The following CEP164 variants were observed in gnomAD, a reference collection of about 807,000 sequenced individuals.
CEP164 encodes the protein centrosomal protein 164, also known as centrosomal protein of 164 kDa.
A neutral mutation model predicts 182.7 loss-of-function variants in CEP164; 162 were observed. That is an observed-to-expected ratio of 0.89 (90% CI 0.78 to 1.01). The LOEUF is 1.01. CEP164 is among the 50% of genes least tolerant of loss of function. The pLI, the probability that CEP164 is intolerant of heterozygous loss-of-function variation, is 0.00. For missense variants in CEP164, 1,735 were observed against 1,790.4 expected, an observed-to-expected ratio of 0.97 and a Z score of 0.56; for synonymous variants, 661 against 690.0, an observed-to-expected ratio of 0.96 and a Z score of 0.66.
At chr11:117,337,581 C>T (rs1257789218) in intron 2 of CEP164, among the ~76,000 whole-genome samples, 1 of 151,924 alleles carries the variant, frequency 6.6e-6, no homozygotes, top group East Asian at 1.9e-4. Context: ...CACTTTTCCC[C>T]CATATCCTGG....
chr11:117,371,725 C>T (rs183817288), intron 9 of CEP164, among the ~76,000 whole-genome samples: 1 of 152,196 alleles, frequency 6.6e-6, no homozygotes, highest in African/African-American at 2.4e-5. Context: ...TTTCCATTGG[C>T]ACCCTCCTGG....
intron 9 of CEP164, among the ~76,000 whole-genome samples, chr11:117,372,090 C>T (rs556684179): frequency 6.8e-6 from 1 of 148,138 alleles, no homozygotes; most frequent in South Asian, 2.1e-4. Flanking sequence ...ATCTGCCCAC[C>T]TCATCATAGT....
At position 117,409,726 on chromosome 11, in the gene CEP164, A is replaced by G. The variant is rs1386219058; in HGVS notation, c.3857A>G (p.Asn1286Ser). Residue 1286 changes from asparagine (N) to serine (S), a missense_variant, in exon 30 of 33, where the codon AAC (asparagine) becomes AGC (serine). Asn to Ser is a conservative substitution (Grantham distance 46). Coordinates refer to ENST00000278935, the MANE Select transcript of CEP164 (RefSeq NM_014956.5). The surrounding 1 kb of genome is among the most constrained non-coding windows in gnomAD (Gnocchi z 4.4). ...GTCCTCAGCATCCTGGACAGCCTCA[A>G]CCCTCAGTCGCCGCCGCCGCTCCTC... is the stretch of plus-strand genomic sequence containing the variant. ...SSVLSILDSLNPQSPPPLLAS... is the reference protein window; with the variant it reads ...SSVLSILDSLSPQSPPPLLAS... 6.2e-7 allele frequency: 1 copy of G among 1,613,750 alleles called. No homozygotes were observed. Among genetic ancestry groups the G allele is most frequent in the Non-Finnish European group, 8.5e-7 (1 of 1,179,890 alleles).
intron 11 of CEP164, among the ~76,000 whole-genome samples, chr11:117,376,561 G>T (rs539270532): frequency 6.6e-6 from 1 of 152,236 alleles, no homozygotes; most frequent in Non-Finnish European, 1.5e-5. Flanking sequence ...ATGGAAATTT[G>T]TTGGGTGAAA....
chr11:117,381,775 C>A lies in CEP164; in HGVS notation c.1484C>A (p.Pro495His), dbSNP rs59763167. The part of the protein sequence containing the change: ...PRSLATEEEP[P>H]QGPEGQPEWK... ...AGCCTGGCCACTGAAGAAGAGCCTC[C>A]CCAGGGCCCCGAGGGGCAGCCCGAG... The change falls in exon 13 of 33, where the codon CCC (proline) becomes CAC (histidine). Residue 495 changes from proline to histidine, a missense_variant. Transcript: ENST00000278935. The A allele has an allele frequency of 1.3e-6, 2 of 1,597,314 alleles. No homozygotes were observed. The highest frequency in any genetic ancestry group is 1.3e-5 in the African/African-American group (1 of 74,686).
chr11:117,390,972 C>T (rs180859299), intron 16 of CEP164, 27 bp from the exon 17 acceptor site: 75 of 1,613,794 alleles, frequency 4.6e-5, no homozygotes, highest in East Asian at 4.0e-4. Context: ...TGCACAGGCC[C>T]GTTACCATTC....
chr11:117,354,913 T>G (rs1357044839), intron 5 of CEP164: 2 of 1,249,088 alleles, frequency 1.6e-6, no homozygotes, highest in South Asian at 2.6e-5. Flanking sequence ...TTTCTCTGCA[T>G]GTTTATATAC....
chr11:117,397,818 T>C (rs2045670842), intron 27 of CEP164, among the ~76,000 whole-genome samples: 1 of 152,164 alleles, frequency 6.6e-6, no homozygotes, highest in Non-Finnish European at 1.5e-5. Flanking sequence ...GTGGAAATTA[T>C]GGGAGTACAA....
chr11:117,356,514 C>T (rs1426101106), intron 5 of CEP164: 2 of 1,289,134 alleles, frequency 1.6e-6, no homozygotes, highest in South Asian at 2.5e-5. Flanking sequence ...TCTCAGCAAG[C>T]CCATTTCCAG....
At chr11:117,392,711 C>T (rs2044831975) in intron 19 of CEP164, 84 bp downstream of exon 19, 3 of 1,535,730 alleles carry the variant, frequency 2.0e-6, no homozygotes, top group Admixed American at 4.0e-5. Context: ...GCCTCAGCGG[C>T]CTCCAGTTTG....
At chr11:117,408,777 C>G in intron 28 of CEP164, 113 bp from the exon 29 acceptor site, 2 of 1,381,546 alleles carry the variant, frequency 1.4e-6, no homozygotes, top group African/African-American at 1.5e-5. Context: ...AGCTTAAAGA[C>G]AAAACATAAA....
intron 3 of CEP164, among the ~76,000 whole-genome samples, chr11:117,341,767 C>T (rs1349019515): frequency 2.0e-5 from 3 of 152,056 alleles, no homozygotes; most frequent in African/African-American, 7.2e-5. Context: ...CTGACAGTCC[C>T]CAGAGCTACT....
intron 1 of CEP164, among the ~76,000 whole-genome samples, chr11:117,328,615 C>T (rs1276088171): frequency 6.6e-6 from 1 of 152,176 alleles, no homozygotes; most frequent in African/African-American, 2.4e-5. Context: ...AGCCAGACCT[C>T]TTTCCTGAGC....
At position 117,411,855 on chromosome 11, in the gene CEP164, CT is replaced by C; in HGVS notation, c.4227del (p.Gln1410ArgfsTer3). 1 of 1,614,166 alleles carries C rather than the reference CT, an allele frequency of 6.2e-7. No individual in the cohort carries two copies. Among genetic ancestry groups the C allele is most frequent in the Non-Finnish European group, 8.5e-7 (1 of 1,180,034 alleles). On this transcript the variant is annotated frameshift_variant, in exon 32 of 33. Coordinates refer to ENST00000278935, the MANE Select transcript of CEP164 (RefSeq NM_014956.5). LOFTEE classifies it high-confidence loss of function. The surrounding 1 kb of genome is among the most constrained non-coding windows in gnomAD (Gnocchi z 4.4). ...SQVPEAGSTT[F>X]QGIIEANRRW... ...AAGTCCCTGAGGCGGGCAGCACCAC[CT>C]TTCAGGGCATAATTGAGGCCAACCG... is the stretch of plus-strand genomic sequence containing the variant.
At chr11:117,357,589 T>C (rs1253200244) in intron 5 of CEP164, among the ~76,000 whole-genome samples, 1 of 151,936 alleles carries the variant, frequency 6.6e-6, no homozygotes, top group Non-Finnish European at 1.5e-5. Context: ...ACCTGGCTAA[T>C]TTTTGTATTT....
At chr11:117,325,744 A>C (rs1359001967), upstream of CEP164, among the ~76,000 whole-genome samples, 1 of 152,180 alleles carries the variant, frequency 6.6e-6, no homozygotes, top group Non-Finnish European at 1.5e-5. Context: ...TACAGTAAGA[A>C]TAAAGGAAGT....
At chr11:117,333,954 A>G (rs1304873864) in intron 1 of CEP164, among the ~76,000 whole-genome samples, 1 of 152,224 alleles carries the variant, frequency 6.6e-6, no homozygotes, top group Middle Eastern at 3.4e-3. Flanking sequence ...GGACTTTTGC[A>G]TGCATCTGTT....
chr11:117,398,890 T>C (rs2136559890), intron 27 of CEP164, among the ~76,000 whole-genome samples: 1 of 152,364 alleles, frequency 6.6e-6, no homozygotes, highest in South Asian at 2.1e-4. Context: ...GGAGATATTT[T>C]CCCCATTGTC....
At chr11:117,403,665 GTGT>G (rs1162340620) in intron 27 of CEP164, among the ~76,000 whole-genome samples, 1 of 152,092 alleles carries the variant, frequency 6.6e-6, no homozygotes, top group Non-Finnish European at 1.5e-5. Context: ...TATCTTTGTG[GTGT>G]TCTCTGTATT....
Sources: allele counts gnomAD v4.1 joint callset (sites outside exome capture counted in the v4.1 genomes callset), GRCh38; gene constraint gnomAD v4.1.1; non-coding constraint Gnocchi (gnomAD v3.1); transcripts MANE v1.5; gene names NCBI Gene and HGNC (gene_info 2026-07-23, HGNC 2026-07-21).